RSF1: variants seen among roughly 807,000 people sequenced by gnomAD.
RSF1 encodes the protein remodeling and spacing factor 1.
In RSF1, 13 loss-of-function variants were observed where a neutral mutation model predicts 145.2. The observed-to-expected ratio is 0.09, with a 90% CI of 0.06 to 0.14. RSF1 has a LOEUF of 0.14. Among genes scored for constraint, RSF1 ranks in the 10% least tolerant of loss-of-function variants. RSF1 has a pLI of 1.00. For synonymous variants in RSF1, 577 were observed against 592.6 expected (o/e 0.97, Z 0.38); for missense variants, 1,517 against 1,718.2 (o/e 0.88, Z 2.07).
Position 77,701,822 on chromosome 11 carries a change from T to A in RSF1, c.1407A>T (p.Glu469Asp), listed in dbSNP as rs896573906. The A allele has an allele frequency of 5.6e-6, 9 of 1,614,128 alleles. No homozygotes were observed. In the Admixed American group the frequency reaches 1.0e-4, roughly 18 times the overall value. Residue 469 changes from glutamate to aspartate, a missense_variant, in exon 6 of 16, where the codon GAA becomes GAT. Coordinates refer to ENST00000308488, the MANE Select transcript of RSF1 (RefSeq NM_016578.4). ...PIETKFYETK[E>D]ESYSPSKDRN... ...TGTCCTTAGAGGGGCTATAGCTCTC[T>A]TCCTTTGTCTCATAAAACTTTGTCT...
At chr11:77,715,550 C>T (rs1004438940) in intron 5 of RSF1, among the ~76,000 whole-genome samples, 2 of 152,086 alleles carry the variant, frequency 1.3e-5, no homozygotes, top group Non-Finnish European at 2.9e-5. Flanking sequence ...CAGGTTCAAG[C>T]GATTCTCCTG....
At chr11:77,670,325 G>C (rs185014778) in intron 15 of RSF1, among the ~76,000 whole-genome samples, 1 of 152,074 alleles carries the variant, frequency 6.6e-6, no homozygotes, top group Non-Finnish European at 1.5e-5. Flanking sequence ...CCATCTGCCT[G>C]TATCATTCTT....
chr11:77,800,039 G>A (rs879629034), intron 1 of RSF1, among the ~76,000 whole-genome samples: 3 of 152,070 alleles, frequency 2.0e-5, no homozygotes, highest in African/African-American at 4.8e-5. Flanking sequence ...CAGCTACGTG[G>A]GAGGCTAATG....
the RSF1 span, among the ~76,000 whole-genome samples, chr11:77,832,330 CTT>C: frequency 8.1e-4 from 120 of 147,628 alleles, no homozygotes; most frequent in African/African-American, 1.9e-3. Context: ...AATAGAGGAA[CTT>C]TTTTTTTTTT....
chr11:77,764,577 A>C (rs1199647253), intron 2 of RSF1, 21 bp downstream of exon 2: 22 of 1,356,932 alleles, frequency 1.6e-5, no homozygotes, highest in Non-Finnish European at 2.2e-5. Context: ...ATAGAGCAGG[A>C]AATTTACAAA....
chr11:77,832,107 C>A, the RSF1 span: 1 of 151,994 alleles, frequency 6.6e-6, no homozygotes, highest in Non-Finnish European at 1.5e-5. Flanking sequence ...TCTTGACATA[C>A]CTATGATATC....
intron 1 of RSF1, among the ~76,000 whole-genome samples, chr11:77,796,471 T>TA (rs1272108581): frequency 3.3e-5 from 5 of 152,138 alleles, no homozygotes; most frequent in African/African-American, 9.7e-5. Flanking sequence ...CCTTTCATGC[T>TA]AAAAAATCTC....
rs192139881 is a variant in RSF1 at position 77,715,531 on chromosome 11, T to C, written c.733+10014A>G. 2.2e-3 allele frequency among the ~76,000 whole-genome samples: 329 copies of C among 152,260 alleles called. 3 individuals are homozygous for C. Among genetic ancestry groups the C allele is most frequent in the South Asian group, 0.014 (66 of 4,824 alleles). The stretch of plus-strand genomic sequence containing the variant: ...AGCGCAATCTTGGCTCACTGCAACC[T>C]CCATCTCCCAGGTTCAAGCGATTCT... On this transcript the variant is annotated intron_variant, in intron 5 of 15. Transcript: ENST00000308488.
Position 77,675,208 on chromosome 11 carries a change from T to C in RSF1, c.3390A>G (p.Glu1130=), listed in dbSNP as rs1959669259. The C allele has an allele frequency of 6.2e-7, 1 of 1,613,984 alleles. No individual in the cohort carries two copies. Among genetic ancestry groups the C allele is most frequent in the Non-Finnish European group, 8.5e-7 (1 of 1,180,006 alleles). The change falls in exon 14 of 16, where the codon GAA becomes GAG. Residue 1130 remains glutamate (E), a synonymous_variant. Transcript: ENST00000308488. ...TGTCATCATTAGATGGCGGATCTTC[T>C]TCACTTTCATCTGGGTTTTCATCAG... ...VVSDENPDES[E]EDPPSNDDSD...
intron 3 of RSF1, among the ~76,000 whole-genome samples, chr11:77,744,295 C>T (rs1394281708): frequency 1.3e-5 from 2 of 152,138 alleles, no homozygotes; most frequent in South Asian, 2.1e-4. Flanking sequence ...TCCCAAAGTG[C>T]TGGGATTACA....
chr11:77,781,258 C>T (rs1195363829), intron 1 of RSF1, among the ~76,000 whole-genome samples: 1 of 152,040 alleles, frequency 6.6e-6, no homozygotes, highest in Admixed American at 6.6e-5. Context: ...GCCACCATGC[C>T]CAGCTAATTT....
chr11:77,823,288 C>T (rs907425186), upstream of RSF1, among the ~76,000 whole-genome samples: 3 of 150,858 alleles, frequency 2.0e-5, no homozygotes, highest in Non-Finnish European at 4.4e-5. Flanking sequence ...ATTATCACTG[C>T]CAAAGAAGTT....
At chr11:77,800,700 A>G (rs977392807) in intron 1 of RSF1, among the ~76,000 whole-genome samples, 1 of 151,846 alleles carries the variant, frequency 6.6e-6, no homozygotes, top group Non-Finnish European at 1.5e-5. Flanking sequence ...CTATCTCTAC[A>G]AAACACTCAA....
the RSF1 span, among the ~76,000 whole-genome samples, chr11:77,826,977 C>T: frequency 1.3e-5 from 2 of 152,010 alleles, no homozygotes. Flanking sequence ...TGGTGGCACA[C>T]ACCCGTCGTC....
Position 77,701,589 on chromosome 11 carries a change from G to A in RSF1, c.1640C>T (p.Ala547Val). 6.2e-7 allele frequency: 1 copy of A among 1,614,012 alleles called. No homozygotes were observed. The highest frequency in any genetic ancestry group is 8.5e-7 in the Non-Finnish European group (1 of 1,179,982). ...METSLDSSEM[A>V]KDLSSKTALS... The stretch of plus-strand genomic sequence containing the variant: ...AGCAGTTTTTGAAGAGAGATCTTTT[G>A]CCATCTCAGAAGAATCAAGAGAAGT... Residue 547 changes from alanine (A) to valine (V), a missense_variant, in exon 6 of 16, where the codon GCA becomes GTA. By Grantham distance (64) the Ala-to-Val change is moderately conservative. Coordinates refer to ENST00000308488, the MANE Select transcript of RSF1 (RefSeq NM_016578.4).
At chr11:77,767,876 A>T (rs1303103343) in intron 1 of RSF1, among the ~76,000 whole-genome samples, 1 of 152,174 alleles carries the variant, frequency 6.6e-6, no homozygotes, top group Non-Finnish European at 1.5e-5. Flanking sequence ...ACTATTTTTT[A>T]AAAGCCAATA....
intron 4 of RSF1, among the ~76,000 whole-genome samples, chr11:77,728,656 G>A (rs1449747976): frequency 6.6e-6 from 1 of 151,798 alleles, no homozygotes; most frequent in Admixed American, 6.6e-5. Flanking sequence ...GAAAGGGAAA[G>A]AAAGAGGCCA....
intron 4 of RSF1, among the ~76,000 whole-genome samples, chr11:77,729,895 CAAAAAAAAAAAAA>C (rs398045289): frequency 5.3e-4 from 26 of 48,940 alleles, no homozygotes; most frequent in East Asian, 1.5e-3. Context: ...ATTCAGTAGG[CAAAAAAAAAAAAA>C]AAAAAAAAAA....
intron 8 of RSF1, among the ~76,000 whole-genome samples, chr11:77,692,858 A>G (rs1042155599): frequency 6.6e-6 from 1 of 151,726 alleles, no homozygotes; most frequent in African/African-American, 2.4e-5. Context: ...TTGTATTTTT[A>G]GTAGAGACAG....
Sources: allele counts gnomAD v4.1 joint callset (sites outside exome capture counted in the v4.1 genomes callset), GRCh38; gene constraint gnomAD v4.1.1; transcripts MANE v1.5; gene names NCBI Gene and HGNC (gene_info 2026-07-23, HGNC 2026-07-21).